PDGFRA: variants seen among roughly 807,000 people sequenced by gnomAD.
The protein encoded by PDGFRA is platelet-derived growth factor receptor alpha.
Under a neutral mutation model 121.5 loss-of-function variants are expected in PDGFRA, and 25 were observed. The ratio of observed to expected loss-of-function variants is 0.21; its 90% CI spans 0.15 to 0.29. The LOEUF is 0.29. Ranked by LOEUF, PDGFRA falls within the 10% of genes least tolerant of loss-of-function variation. The probability of loss-of-function intolerance (pLI) is 1.00; values close to 1 mark genes in which losing one functional copy is unlikely to be tolerated. For synonymous variants in PDGFRA, 463 were observed against 494.8 expected, an observed-to-expected ratio of 0.94 and a Z score of 0.85; for missense variants, 1,008 against 1,345.1, an observed-to-expected ratio of 0.75 and a Z score of 3.92.
intron 1 of PDGFRA, among the ~76,000 whole-genome samples, chr4:54,248,679 A>G (rs1269708475): frequency 6.6e-6 from 1 of 152,220 alleles, no homozygotes; most frequent in African/African-American, 2.4e-5. Flanking sequence ...TGTCTAAAAC[A>G]CCAAAAGCAA....
chr4:54,248,534 T>A (rs1721834731), intron 1 of PDGFRA, among the ~76,000 whole-genome samples: 1 of 152,244 alleles, frequency 6.6e-6, no homozygotes, highest in Admixed American at 6.5e-5. Context: ...TGAAACTGGA[T>A]CCCTTCCTTA....
At position 54,256,287 on chromosome 4, in the gene PDGFRA, G is replaced by A. The variant is rs112798547; in HGVS notation, c.-12-2470G>A. ...GTCTTGCTCTGCCGCCCAGGCTGGC[G>A]TGCAGTGGCATGACCTTGGCTCACT... On this transcript the variant is annotated intron_variant, in intron 1 of 22. Transcript: ENST00000257290. Among the ~76,000 whole-genome samples the A allele has an allele frequency of 2.6e-3, 392 of 152,144 alleles. 3 individuals carry two copies. Among genetic ancestry groups the A allele is most frequent in the African/African-American group, 8.6e-3 (355 of 41,506 alleles).
intron 5 of PDGFRA, among the ~76,000 whole-genome samples, chr4:54,265,946 C>T (rs983574757): frequency 2.0e-5 from 3 of 152,144 alleles, no homozygotes; most frequent in Admixed American, 6.6e-5. Context: ...TCCTTTTATC[C>T]GTTTCTCTCT....
chr4:54,247,847 T>C (rs888142932), intron 1 of PDGFRA, among the ~76,000 whole-genome samples: 2 of 152,198 alleles, frequency 1.3e-5, no homozygotes, highest in African/African-American at 4.8e-5. Flanking sequence ...CAAAATCTCC[T>C]GAAGCTGATA....
chr4:54,292,995 A>G (rs1724706598), intron 22 of PDGFRA, among the ~76,000 whole-genome samples: 1 of 152,198 alleles, frequency 6.6e-6, no homozygotes, highest in African/African-American at 2.4e-5. Flanking sequence ...TGATTTATCC[A>G]TGTAACCTGC....
Position 54,274,525 on chromosome 4 carries a change from A to C in PDGFRA, c.1559-6A>C, listed in dbSNP as rs2110295995. 6.2e-7 allele frequency: 1 copy of C among 1,608,320 alleles called. No homozygotes were observed. The highest frequency in any genetic ancestry group is 8.5e-7 in the Non-Finnish European group (1 of 1,175,248). ...TTTCATTGTGCCTCTCTCTCTTGTC[A>C]CGTAGCCCTGCGTTCTGAACTCACG... On this transcript the variant is annotated splice_polypyrimidine_tract_variant and splice_region_variant and intron_variant, in intron 10 of 22. Coordinates refer to ENST00000257290, the MANE Select transcript of PDGFRA (RefSeq NM_006206.6).
rs1354231704 is a variant in PDGFRA at position 54,273,625 on chromosome 4, G to A, written c.1453G>A (p.Glu485Lys). ...CCACTCCCGAGACAGGAGTACCGTG[G>A]AGGGCCGTGTGACTTTCGCCAAAGT... Reference protein sequence around the residue: ...EIHSRDRSTVEGRVTFAKVEE... With the variant: ...EIHSRDRSTVKGRVTFAKVEE... Residue 485 changes from glutamate (E) to lysine (K), a missense_variant, in exon 10 of 23, where the codon GAG (glutamate) becomes AAG (lysine). Coordinates refer to ENST00000257290, the MANE Select transcript of PDGFRA (RefSeq NM_006206.6). The A allele has an allele frequency of 6.2e-7, 1 of 1,614,094 alleles. No homozygotes were observed.
intron 18 of PDGFRA, 25 bp from the exon 19 acceptor site, chr4:54,287,405 T>C (rs1175148879): frequency 1.1e-6 from 1 of 920,660 alleles, no homozygotes; most frequent in Non-Finnish European, 1.8e-6. Context: ...GACATGGGTT[T>C]AACTGTCTCC....
At chr4:54,255,797 G>A (rs574545258) in intron 1 of PDGFRA, among the ~76,000 whole-genome samples, 6 of 151,794 alleles carry the variant, frequency 4.0e-5, no homozygotes, top group East Asian at 1.9e-4. Context: ...GAGCCACTGC[G>A]CCCTTCCCTC....
chr4:54,269,214 C>G (rs1723195248), intron 7 of PDGFRA, among the ~76,000 whole-genome samples: 1 of 152,134 alleles, frequency 6.6e-6, no homozygotes, highest in Admixed American at 6.5e-5. Context: ...ATGGTCCAGC[C>G]TGCTGTCTTC....
intron 17 of PDGFRA, 91 bp from the exon 18 acceptor site, chr4:54,285,750 A>G (rs1724322991): frequency 2.2e-6 from 3 of 1,386,148 alleles, no homozygotes; most frequent in Admixed American, 1.7e-5. Flanking sequence ...GACAGCTCCA[A>G]GTGCCACCAT....
intron 1 of PDGFRA, among the ~76,000 whole-genome samples, chr4:54,246,896 G>A (rs747905397): frequency 0.038 from 5,797 of 151,322 alleles, 361 homozygotes; most frequent in African/African-American, 0.13. Context: ...TATCACCACC[G>A]ATCCCACAGA....
At chr4:54,274,802 T>C (rs1723623091) in intron 11 of PDGFRA, 39 bp from the exon 12 acceptor site, 1 of 1,612,880 alleles carries the variant, frequency 6.2e-7, no homozygotes, top group East Asian at 2.2e-5. Flanking sequence ...GCACTGGGAC[T>C]TTGGTAATTC....
chr4:54,248,732 T>C (rs557856742), intron 1 of PDGFRA, among the ~76,000 whole-genome samples: 60 of 152,196 alleles, frequency 3.9e-4, no homozygotes, highest in Non-Finnish European at 7.8e-4. Flanking sequence ...CTAATTAAAC[T>C]AAAGAGCTTC....
chr4:54,275,980 C>G (rs1287060811), intron 12 of PDGFRA, among the ~76,000 whole-genome samples: 1 of 152,186 alleles, frequency 6.6e-6, no homozygotes, highest in Non-Finnish European at 1.5e-5. Context: ...CTTTGCGGGA[C>G]TAACGAATTA....
At chr4:54,293,645 G>A (rs1274631917) in intron 22 of PDGFRA, among the ~76,000 whole-genome samples, 1 of 152,068 alleles carries the variant, frequency 6.6e-6, no homozygotes, top group Admixed American at 6.5e-5. Context: ...TGGCCAGGCT[G>A]GTTTTGAACT....
intron 1 of PDGFRA, among the ~76,000 whole-genome samples, chr4:54,236,574 T>C (rs6836215): frequency 0.25 from 38,672 of 152,130 alleles, 5,298 homozygotes; most frequent in African/African-American, 0.34. Context: ...GAAGCCGACG[T>C]GGGTGAATCA....
chr4:54,253,079 A>G (rs1376343245), intron 1 of PDGFRA, among the ~76,000 whole-genome samples: 1 of 152,076 alleles, frequency 6.6e-6, no homozygotes, highest in Non-Finnish European at 1.5e-5. Flanking sequence ...TGGAGGTAAC[A>G]GGGTCATGGG....
In PDGFRA at chr4:54,281,755, T is replaced by C. The variant is rs780149841; in HGVS notation, c.2323+1273T>C. 113 of 1,347,948 alleles carry C rather than the reference T, an allele frequency of 8.4e-5. 1 individual carries two copies. The highest frequency in any genetic ancestry group is 1.1e-4 in the Non-Finnish European group (108 of 1,026,030). The allele number at this position is 1,347,948 out of a possible 1,614,324, so 83.5% of individuals were successfully genotyped here. ...ACATTTTCAAAAAGAATTGAGAACT[T>C]CTGGATTAAATTGCCTTCTTCCTCG... On this transcript the variant is annotated intron_variant, in intron 16 of 22. Transcript: ENST00000257290.
Sources: allele counts gnomAD v4.1 joint callset (sites outside exome capture counted in the v4.1 genomes callset), GRCh38; gene constraint gnomAD v4.1.1; transcripts MANE v1.5; gene names NCBI Gene and HGNC (gene_info 2026-07-23, HGNC 2026-07-21).